The following SH2D5 variants were observed in gnomAD, a reference collection of about 807,000 sequenced individuals.
SH2D5 encodes SH2 domain containing 5.
Under a neutral mutation model 48.2 loss-of-function variants are expected in SH2D5, and 45 were observed. The ratio of observed to expected loss-of-function variants is 0.93; its 90% confidence interval spans 0.73 to 1.20. The LOEUF (loss-of-function observed/expected upper bound fraction) is 1.20. SH2D5 is among the 50% of genes most tolerant of loss of function. The pLI is 0.00. For missense variants in SH2D5, 538 were observed against 584.1 expected, an observed-to-expected ratio of 0.92 and a Z score of 0.81; for synonymous variants, 230 against 249.8, an observed-to-expected ratio of 0.92 and a Z score of 0.75.
chr1:20,730,683 T>G (rs2154538749), intron 1 of SH2D5: 1 of 152,520 alleles, frequency 6.6e-6, no homozygotes, highest in East Asian at 1.9e-4. Context: ...CTCACTCTAA[T>G]CCTGGAAACA....
chr1:20,727,083 G>T lies in SH2D5; in HGVS notation c.169-8C>A. 1 of 1,608,472 alleles carries T rather than the reference G, an allele frequency of 6.2e-7. No homozygotes were observed. On this transcript the variant is annotated splice_polypyrimidine_tract_variant and splice_region_variant and intron_variant, in intron 3 of 9. Transcript: ENST00000444387. ...CCGGCGTCGGGGACAGTCCTGGGTG[G>T]AAAAGAGTAGTGGGGACAGGCACCA...
Position 20,728,026 on chromosome 1 carries a change from C to A in SH2D5, c.19G>T (p.Gly7Trp), listed in dbSNP as rs753655058. 13 of 1,552,644 alleles carry A rather than the reference C, an allele frequency of 8.4e-6. No individual in the cohort carries two copies. In the South Asian group the frequency reaches 1.5e-4, roughly 18 times the overall value. MQKAGA[G>W]GRRASDCGLA... ...CCGCAGTCAGAGGCCCTGCGGCCCCCAGCCCCCGCCTTCTGCATGGCCCCC... is the reference window on the plus strand; with the variant it reads ...CCGCAGTCAGAGGCCCTGCGGCCCCAAGCCCCCGCCTTCTGCATGGCCCCC... The change falls in exon 2 of 10, where the codon GGG becomes TGG. Residue 7 changes from glycine to tryptophan, a missense_variant. Transcript: ENST00000444387. This position sits in a 1 kb window ranked among gnomAD's most constrained non-coding sequence, Gnocchi z 4.3.
At chr1:20,727,665 T>C (rs2054828259) in intron 2 of SH2D5, 62 bp from the exon 3 acceptor site, 1 of 1,410,718 alleles carries the variant, frequency 7.1e-7, no homozygotes, top group African/African-American at 1.4e-5. Flanking sequence ...CCTAACCCCA[T>C]CCTCCAAATT....
rs561031043 is a variant in SH2D5, at chr1:20,724,220, C to T, written c.662G>A (p.Arg221His). Reference protein sequence around the residue: ...KELPESEGRARHARLGNPYCS... With the variant: ...KELPESEGRAHHARLGNPYCS... ...GTAGGGATTCCCCAGGCGGGCATGG[C>T]GGGCACGGCCTTCCGACTCTGGCAG... The change falls in exon 7 of 10, where the codon CGC becomes CAC. Residue 221 changes from arginine to histidine, a missense_variant. Arg to His is a conservative substitution (Grantham distance 29, BLOSUM62 0). Transcript: ENST00000444387. 44 of 1,612,818 alleles carry T rather than the reference C, an allele frequency of 2.7e-5. No homozygotes were observed. The highest frequency in any genetic ancestry group is 2.0e-4 in the African/African-American group (15 of 75,054).
At chr1:20,731,988 C>G (rs1330296476) in intron 1 of SH2D5, among the ~76,000 whole-genome samples, 193 bp downstream of exon 1, 1 of 151,732 alleles carries the variant, frequency 6.6e-6, no homozygotes, top group African/African-American at 2.4e-5. Context: ...CTGCCCGGCT[C>G]CCGGCGCTCG....
At chr1:20,722,073 A>G (rs2054698243) in intron 9 of SH2D5, 78 bp from the exon 10 acceptor site, 26 of 1,389,240 alleles carry the variant, frequency 1.9e-5, no homozygotes, top group South Asian at 3.9e-5. Context: ...CTCCCACAGG[A>G]GCCTGCACAT....
At chr1:20,725,816 G>A in intron 5 of SH2D5, 104 bp downstream of exon 5, 2 of 1,419,294 alleles carry the variant, frequency 1.4e-6, no homozygotes, top group East Asian at 2.3e-5. Flanking sequence ...ATGCCTGGAG[G>A]GGGATCAGGC....
intron 3 of SH2D5, 104 bp from the exon 4 acceptor site, chr1:20,727,179 A>G (rs2054817891): frequency 1.5e-5 from 15 of 974,614 alleles, no homozygotes; most frequent in South Asian, 1.4e-4. Flanking sequence ...CCACTCCACC[A>G]CCCCTGGCAG....
Position 20,728,203 on chromosome 1 carries a change from G to C in SH2D5, c.-42-117C>G. 1.6e-6 allele frequency: 1 copy of C among 609,896 alleles called. No individual in the cohort carries two copies. Among genetic ancestry groups the C allele is most frequent in the Non-Finnish European group, 2.9e-6 (1 of 345,498 alleles). The allele number at this position is 609,896 out of a possible 1,614,324, so 37.8% of individuals were successfully genotyped here. On this transcript the variant is annotated intron_variant, in intron 1 of 9. Transcript: ENST00000444387. This position sits in a 1 kb window ranked among gnomAD's most constrained non-coding sequence, Gnocchi z 4.3. ...GCTGCTATGTGTGCAGCACGGCTGC[G>C]CAATGTCCCGGGCCCTGGGGAGCCA...
At chr1:20,726,150 C>G in intron 4 of SH2D5, 84 bp from the exon 5 acceptor site, 1 of 1,460,008 alleles carries the variant, frequency 6.8e-7, no homozygotes. Context: ...GTGAAGAAAC[C>G]CTCCCTCCTT....
At chr1:20,722,486 C>G (rs1339979606) in intron 9 of SH2D5, among the ~76,000 whole-genome samples, 1 of 152,208 alleles carries the variant, frequency 6.6e-6, no homozygotes, top group East Asian at 1.9e-4. Context: ...CCTCCAAGAG[C>G]CTTCAGGTCA....
Position 20,727,943 on chromosome 1 carries a change from G to T in SH2D5, c.87+15C>A. 1 of 1,554,684 alleles carries T rather than the reference G, an allele frequency of 6.4e-7. No individual in the cohort carries two copies. The highest frequency in any genetic ancestry group is 2.4e-5 in the East Asian group (1 of 41,964). ...CACCCACCAGAGCACACCTGGACAGGGTGGCCCCACCCACCTGGGCAAACT... is the reference window on the plus strand; with the variant it reads ...CACCCACCAGAGCACACCTGGACAGTGTGGCCCCACCCACCTGGGCAAACT... On this transcript the variant is annotated intron_variant, in intron 2 of 9. Transcript: ENST00000444387.
At position 20,722,839 on chromosome 1, in the gene SH2D5, GGCC is replaced by G. The variant is rs550382801; in HGVS notation, c.982_984del (p.Gly328del). On this transcript the variant is annotated inframe_deletion, in exon 9 of 10. Transcript: ENST00000444387. ...TGCGTGCGCACGGACAGACACCACT[GGCC>G]GCTAGCACCCAGCTCAGGCCACAGC... 305 of 1,605,206 alleles carry G rather than the reference GGCC, an allele frequency of 1.9e-4. 2 individuals are homozygous for G. The African/African-American group carries it at 3.5e-3, about 19-fold the overall frequency.
intron 7 of SH2D5, 53 bp downstream of exon 7, chr1:20,724,030 G>A (rs1420762049): frequency 1.1e-5 from 18 of 1,579,948 alleles, no homozygotes; most frequent in South Asian, 5.7e-5. Context: ...GTCCAGGAGC[G>A]CACGGGCACG....
At position 20,732,611 on chromosome 1, in the gene SH2D5, C is replaced by T. The variant is rs1345211940; in HGVS notation, c.-473G>A. 1 of 152,258 alleles carries T rather than the reference C, an allele frequency of 6.6e-6. No individual in the cohort carries two copies. Among genetic ancestry groups the T allele is most frequent in the Non-Finnish European group, 1.5e-5 (1 of 68,072 alleles). 9.4% of individuals were successfully genotyped at this position (152,258 alleles called of 1,614,324 possible). A position where few individuals can be genotyped will look rare whatever the true frequency, so the allele number is the denominator to read the frequency against. ...TCGAGCCTGGCTCGGAGGAGGCGCT[C>T]AGGGTGGTTCGGGCCCGGCCCTTGT... On this transcript the variant is annotated 5_prime_UTR_variant, in exon 1 of 10. It removes the in-frame stop codon of an upstream open reading frame in the 5' UTR. Transcript: ENST00000444387. The surrounding 1 kb of genome is among the most constrained non-coding windows in gnomAD (Gnocchi z 5.1).
Position 20,720,591 on chromosome 1 carries a change from T to C in SH2D5, c.*1201A>G, listed in dbSNP as rs1161113191. ...AGAAGTTCATGCAAAATGAACTTGT[T>C]CTATAACAGAGTTCAGTAGATTCAT... On this transcript the variant is annotated 3_prime_UTR_variant, in exon 10 of 10. Coordinates refer to ENST00000444387, the MANE Select transcript of SH2D5 (RefSeq NM_001103161.2). 2 of 152,400 alleles carry C rather than the reference T, an allele frequency of 1.3e-5. No individual in the cohort carries two copies. Among genetic ancestry groups the C allele is most frequent in the East Asian group, 3.9e-4 (2 of 5,182 alleles). The allele number at this position is 152,400 out of a possible 1,614,324, so 9.4% of individuals were successfully genotyped here. A position where few individuals can be genotyped will look rare whatever the true frequency, so the allele number is the denominator to read the frequency against.
rs1280663306 is a variant in SH2D5 at position 20,724,641 on chromosome 1, A to G, written c.391-6T>C. 3 of 1,548,050 alleles carry G rather than the reference A, an allele frequency of 1.9e-6. No individual in the cohort carries two copies. The East Asian group carries it at 6.9e-5, about 36-fold the overall frequency. ...AGCAGGTGCAGGATCTGGACCTGGG[A>G]GGGAGGGAGAGAGGTGGGCTCAGCT... On this transcript the variant is annotated splice_region_variant and splice_polypyrimidine_tract_variant and intron_variant, in intron 5 of 9. Coordinates refer to ENST00000444387, the MANE Select transcript of SH2D5 (RefSeq NM_001103161.2).
rs1309205415 is a variant in SH2D5 at position 20,727,048 on chromosome 1, G to A, written c.196C>T (p.Leu66=). Residue 66 remains leucine, a synonymous_variant, in exon 4 of 10, where the codon CTG becomes TTG. Coordinates refer to ENST00000444387, the MANE Select transcript of SH2D5 (RefSeq NM_001103161.2). The part of the protein sequence containing the change: ...KDCPRRRAVI[L]KFSLQGLKIY... ...TTGAGACCCTGAAGGCTGAATTTCA[G>A]GATGACGGCCCGGCGTCGGGGACAG... 6.2e-7 allele frequency: 1 copy of A among 1,612,096 alleles called. No individual in the cohort carries two copies. The highest frequency in any genetic ancestry group is 2.2e-5 in the East Asian group (1 of 44,882).
intron 2 of SH2D5, 78 bp downstream of exon 2, chr1:20,727,880 C>T (rs2154538636): frequency 1.7e-6 from 2 of 1,180,392 alleles, no homozygotes; most frequent in South Asian, 2.6e-5. Flanking sequence ...CCTAGGCCCG[C>T]AGCACTTCCC....
Sources: allele counts gnomAD v4.1 joint callset (sites outside exome capture counted in the v4.1 genomes callset), GRCh38; gene constraint gnomAD v4.1.1; non-coding constraint Gnocchi (gnomAD v3.1); transcripts MANE v1.5; gene names NCBI Gene and HGNC (gene_info 2026-07-23, HGNC 2026-07-21).